The following STPG1 variants were observed in gnomAD, a reference collection of about 807,000 sequenced individuals.
The protein encoded by STPG1 is O(6)-methylguanine-induced apoptosis 2.
STPG1 carries 33 observed loss-of-function variants against 40.1 expected under a neutral mutation model. That is an observed-to-expected ratio of 0.82 (90% CI 0.62 to 1.10). The LOEUF (loss-of-function observed/expected upper bound fraction) is 1.10, where lower values mean the gene tolerates loss of function less well. Among genes scored for constraint, STPG1 ranks in the 50% least tolerant of loss-of-function variants. The pLI is 0.00. For missense variants in STPG1, 396 were observed against 415.1 expected (o/e 0.95, Z 0.40); for synonymous variants, 150 against 155.0 (o/e 0.97, Z 0.24).
At chr1:24,367,511 G>C (rs1200724145) in intron 7 of STPG1, among the ~76,000 whole-genome samples, 2 of 152,112 alleles carry the variant, frequency 1.3e-5, no homozygotes, top group Non-Finnish European at 2.9e-5. Context: ...ATCATTATAA[G>C]GGTAATAGCT....
At chr1:24,369,332 A>T (rs201679164) in intron 7 of STPG1, 2 of 501,366 alleles carry the variant, frequency 4.0e-6, no homozygotes, top group Admixed American at 4.6e-5. Context: ...TCCTGAGCCA[A>T]TTCCCTGTGG....
In STPG1 at chr1:24,373,189, T is replaced by G. The variant is rs536230446; in HGVS notation, c.571+513A>C. On this transcript the variant is annotated intron_variant, in intron 6 of 8. Coordinates refer to ENST00000337248, the MANE Select transcript of STPG1 (RefSeq NM_001199013.2). ...GTGGATGAACCTATGACGGCAGACCTGCAAGACTGCATGGAAACCACTCAC... is the reference window on the plus strand; with the variant it reads ...GTGGATGAACCTATGACGGCAGACCGGCAAGACTGCATGGAAACCACTCAC... Among the ~76,000 whole-genome samples, 6 of 152,284 alleles carry G rather than the reference T, an allele frequency of 3.9e-5. No individual in the cohort carries two copies. In the South Asian group the frequency reaches 1.2e-3, roughly 32 times the overall value.
intron 7 of STPG1, among the ~76,000 whole-genome samples, chr1:24,365,551 AC>A (rs997816473): frequency 6.6e-6 from 1 of 152,164 alleles, no homozygotes; most frequent in African/African-American, 2.4e-5. Context: ...GCCAAGGAAC[AC>A]CCGATGGCAT....
chr1:24,402,282 G>A (rs1363797461), intron 1 of STPG1, among the ~76,000 whole-genome samples: 1 of 152,056 alleles, frequency 6.6e-6, no homozygotes, highest in African/African-American at 2.4e-5. Context: ...CTTCCATATT[G>A]TTGCATAGAT....
At chr1:24,367,886 A>C (rs1641550708) in intron 7 of STPG1, among the ~76,000 whole-genome samples, 1 of 152,244 alleles carries the variant, frequency 6.6e-6, no homozygotes, top group Admixed American at 6.5e-5. Flanking sequence ...CCTTATCTCT[A>C]CTTAATAACA....
intron 2 of STPG1, 72 bp from the exon 3 acceptor site, chr1:24,391,751 G>A: frequency 7.9e-7 from 1 of 1,266,670 alleles, no homozygotes; most frequent in Non-Finnish European, 1.1e-6. Flanking sequence ...AAACACAAAG[G>A]TGTATATTAA....
intron 7 of STPG1, chr1:24,369,173 T>C (rs1449978653): frequency 2.8e-6 from 1 of 362,446 alleles, no homozygotes; most frequent in Non-Finnish European, 5.6e-6. Context: ...AACTCGAAAG[T>C]CAGGGCTTAA....
Position 24,358,515 on chromosome 1 carries a change from G to A in STPG1, c.*28C>T. On this transcript the variant is annotated 3_prime_UTR_variant, in exon 9 of 9. Transcript: ENST00000337248. ...GCTGGGCAGGGTGGGCTGGTGGCTG[G>A]AGTTCTCCTTGACCTTGTGTGACAT... 1 of 1,587,958 alleles carries A rather than the reference G, an allele frequency of 6.3e-7. No homozygotes were observed.
intron 5 of STPG1, among the ~76,000 whole-genome samples, chr1:24,374,201 C>G (rs2148689937): frequency 6.8e-6 from 1 of 147,268 alleles, no homozygotes; most frequent in Non-Finnish European, 1.5e-5. Context: ...GGAGTTCTGT[C>G]AGGGAGTGGG....
At chr1:24,401,163 C>A (rs1643208524) in intron 2 of STPG1, 156 bp downstream of exon 2, 6 of 521,532 alleles carry the variant, frequency 1.2e-5, no homozygotes, top group Non-Finnish European at 1.0e-5. Context: ...AATCGTCACA[C>A]TTGAAACAGT....
intron 6 of STPG1, among the ~76,000 whole-genome samples, chr1:24,371,577 C>T (rs1158983043): frequency 3.5e-5 from 5 of 141,530 alleles, no homozygotes; most frequent in Non-Finnish European, 7.6e-5. Flanking sequence ...GGCAACAGAG[C>T]GAGACTCCCT....
intron 3 of STPG1, among the ~76,000 whole-genome samples, chr1:24,385,887 G>A (rs1421541924): frequency 6.6e-6 from 1 of 152,190 alleles, no homozygotes; most frequent in Non-Finnish European, 1.5e-5. Context: ...TGAGCTTCCA[G>A]AGTCCCTGAA....
At chr1:24,371,244 T>C (rs1342138859) in intron 6 of STPG1, among the ~76,000 whole-genome samples, 4 of 152,160 alleles carry the variant, frequency 2.6e-5, no homozygotes, top group South Asian at 2.1e-4. Context: ...ATATACTATA[T>C]ATTTATTTAA....
At position 24,399,091 on chromosome 1, in the gene STPG1, TA is replaced by T. The variant is rs938215635; in HGVS notation, c.70+2227del. 5.9e-5 allele frequency among the ~76,000 whole-genome samples: 9 copies of T among 152,132 alleles called. No homozygotes were observed. Among genetic ancestry groups the T allele is most frequent in the African/African-American group, 2.2e-4 (9 of 41,524 alleles). On this transcript the variant is annotated intron_variant, in intron 2 of 8. Transcript: ENST00000337248. The surrounding 1 kb of genome is among the most constrained non-coding windows in gnomAD (Gnocchi z 4.0). ...ACAACTATTATGTATCCATAAAAATTAAAAATAAAAAAGTAAAATAAATTTA... is the reference window on the plus strand; with the variant it reads ...ACAACTATTATGTATCCATAAAAATTAAAATAAAAAAGTAAAATAAATTTA...
chr1:24,370,499 A>T (rs1050455733), intron 6 of STPG1, among the ~76,000 whole-genome samples: 17 of 148,858 alleles, frequency 1.1e-4, no homozygotes, highest in South Asian at 4.3e-4. Flanking sequence ...TAAAAAAAAA[A>T]TTTTTTTTTT....
intron 5 of STPG1, among the ~76,000 whole-genome samples, chr1:24,376,718 C>T (rs1642042697): frequency 6.6e-6 from 1 of 152,148 alleles, no homozygotes. Flanking sequence ...TCAGCTACAA[C>T]CGGGAGGCTG....
rs985451323 is a variant in STPG1 at position 24,401,550 on chromosome 1, A to G, written c.-68-94T>C. ...TTCTATCTACAGGGTAAACTGAGAA[A>G]TGGTGTGGGTGCCGGCTGAGATCTA... On this transcript the variant is annotated intron_variant, in intron 1 of 8. Transcript: ENST00000337248. The G allele has an allele frequency of 1.1e-4, 72 of 654,048 alleles. 1 individual carries two copies. The South Asian group carries it at 1.2e-3, about 11-fold the overall frequency. The allele number at this position is 654,048 out of a possible 1,614,324, so 40.5% of individuals were successfully genotyped here. A position where few individuals can be genotyped will look rare whatever the true frequency, so the allele number is the denominator to read the frequency against.
chr1:24,365,412 A>T (rs1323020869), intron 7 of STPG1, among the ~76,000 whole-genome samples: 1 of 152,220 alleles, frequency 6.6e-6, no homozygotes, highest in Non-Finnish European at 1.5e-5. Flanking sequence ...ACCCTAAGTG[A>T]TTGAGTCATC....
chr1:24,370,958 T>C (rs1340549026), intron 6 of STPG1, among the ~76,000 whole-genome samples: 2 of 152,082 alleles, frequency 1.3e-5, no homozygotes, highest in Non-Finnish European at 2.9e-5. Flanking sequence ...TAGAGACTGG[T>C]CTGCTTGTCT....
Sources: allele counts gnomAD v4.1 joint callset (sites outside exome capture counted in the v4.1 genomes callset), GRCh38; gene constraint gnomAD v4.1.1; non-coding constraint Gnocchi (gnomAD v3.1); transcripts MANE v1.5; gene names NCBI Gene and HGNC (gene_info 2026-07-23, HGNC 2026-07-21).